Variants in PHACTR1 observed in about 807,000 individuals in gnomAD.
PHACTR1 encodes the protein RPEL repeat containing 1.
A neutral mutation model predicts 69.2 loss-of-function variants in PHACTR1; 16 were observed. That is an observed-to-expected ratio of 0.23 (90% confidence interval 0.16 to 0.35). The LOEUF (loss-of-function observed/expected upper bound fraction) is 0.35, where lower values mean the gene tolerates loss of function less well. PHACTR1 is among the 10% of genes least tolerant of loss of function. The probability of loss-of-function intolerance (pLI) is 1.00; values close to 1 mark genes in which losing one functional copy is unlikely to be tolerated. For synonymous variants in PHACTR1, 312 were observed against 284.5 expected (o/e 1.10, Z -0.97); for missense variants, 510 against 734.7 (o/e 0.69, Z 3.54).
At chr6:13,053,605 G>A (rs1806322423) in intron 5 of PHACTR1, 76 bp downstream of exon 5, 1 of 1,490,634 alleles carries the variant, frequency 6.7e-7, no homozygotes, top group African/African-American at 1.4e-5. Context: ...GAATTTAATT[G>A]CAATAGGCTG....
intron 4 of PHACTR1, among the ~76,000 whole-genome samples, chr6:12,976,613 G>A (rs530743296): frequency 6.6e-6 from 1 of 152,278 alleles, no homozygotes; most frequent in Non-Finnish European, 1.5e-5. Flanking sequence ...TATTAAATGG[G>A]AAATTCCAGA....
At chr6:12,960,129 T>C (rs1328641201) in intron 4 of PHACTR1, among the ~76,000 whole-genome samples, 1 of 152,220 alleles carries the variant, frequency 6.6e-6, no homozygotes, top group Non-Finnish European at 1.5e-5. Context: ...TTGAGAAAGT[T>C]TGTTGATCTT....
chr6:13,215,614 A>T (rs1194230040), intron 8 of PHACTR1, among the ~76,000 whole-genome samples: 1 of 152,254 alleles, frequency 6.6e-6, no homozygotes, highest in Non-Finnish European at 1.5e-5. Flanking sequence ...AAGAGCCAAC[A>T]GAGAGGACAC....
intron 5 of PHACTR1, among the ~76,000 whole-genome samples, chr6:13,064,952 G>C (rs1808401467): frequency 6.6e-6 from 1 of 151,956 alleles, no homozygotes; most frequent in African/African-American, 2.4e-5. Flanking sequence ...TCCGGGACTT[G>C]GTGACCATTG....
chr6:12,779,133 C>T (rs1194801115), intron 4 of PHACTR1, among the ~76,000 whole-genome samples: 2 of 152,108 alleles, frequency 1.3e-5, no homozygotes, highest in East Asian at 1.9e-4. Context: ...GTCAGGAGTT[C>T]GAGACCAGCC....
At chr6:13,185,242 G>A (rs1762690554) in intron 7 of PHACTR1, among the ~76,000 whole-genome samples, 1 of 152,172 alleles carries the variant, frequency 6.6e-6, no homozygotes, top group African/African-American at 2.4e-5. Context: ...TTTCAGTCAT[G>A]TGTATCTGTA....
chr6:12,724,108 G>T (rs532019546), intron 3 of PHACTR1, among the ~76,000 whole-genome samples: 3 of 151,980 alleles, frequency 2.0e-5, no homozygotes. Flanking sequence ...CAGGCAGATC[G>T]CCTGAGGTCA....
chr6:12,765,598 G>A (rs1272373596), intron 4 of PHACTR1, among the ~76,000 whole-genome samples: 1 of 152,056 alleles, frequency 6.6e-6, no homozygotes, highest in Non-Finnish European at 1.5e-5. Flanking sequence ...TCTGTATGCA[G>A]AAGCTCTAGA....
intron 5 of PHACTR1, among the ~76,000 whole-genome samples, chr6:13,108,673 T>C (rs1423755000): frequency 6.6e-6 from 1 of 152,082 alleles, no homozygotes; most frequent in Non-Finnish European, 1.5e-5. Flanking sequence ...GCATTCCAGC[T>C]TTCTCCTGTT....
At chr6:12,749,483 CT>C (rs577940408) in intron 3 of PHACTR1, 160 bp from the exon 4 acceptor site, 20 of 664,692 alleles carry the variant, frequency 3.0e-5, no homozygotes, top group Non-Finnish European at 2.0e-5. Context: ...TTCTCTCTCC[CT>C]TTTTTTTCCT....
intron 4 of PHACTR1, among the ~76,000 whole-genome samples, chr6:12,801,554 G>A (rs1334800332): frequency 6.6e-6 from 1 of 152,182 alleles, no homozygotes; most frequent in East Asian, 1.9e-4. Context: ...CTATGACGGG[G>A]TATGGATGGC....
chr6:12,966,798 C>T (rs958980021), intron 4 of PHACTR1, among the ~76,000 whole-genome samples: 1 of 152,036 alleles, frequency 6.6e-6, no homozygotes, highest in Non-Finnish European at 1.5e-5. Context: ...TTCAGTGTTT[C>T]CTAGAATATA....
At chr6:12,900,340 A>T (rs1785070509) in intron 4 of PHACTR1, among the ~76,000 whole-genome samples, 1 of 150,778 alleles carries the variant, frequency 6.6e-6, no homozygotes, top group Non-Finnish European at 1.5e-5. Flanking sequence ...CTTTCATCTT[A>T]CTTTAACTCC....
chr6:12,735,660 T>G (rs955162886), intron 3 of PHACTR1, among the ~76,000 whole-genome samples: 7 of 152,238 alleles, frequency 4.6e-5, no homozygotes, highest in Non-Finnish European at 8.8e-5. Flanking sequence ...TTCATGTATA[T>G]ACAGGCAATA....
At chr6:13,159,651 G>A (rs923951185) in intron 5 of PHACTR1, among the ~76,000 whole-genome samples, 5 of 152,198 alleles carry the variant, frequency 3.3e-5, no homozygotes, top group African/African-American at 4.8e-5. Context: ...AAATAAGAAC[G>A]CCTACCTTGG....
chr6:13,131,840 C>A (rs1165746054), intron 5 of PHACTR1, among the ~76,000 whole-genome samples: 1 of 152,150 alleles, frequency 6.6e-6, no homozygotes, highest in Non-Finnish European at 1.5e-5. Context: ...ACAAACATAA[C>A]CTCCCTTAAT....
intron 7 of PHACTR1, among the ~76,000 whole-genome samples, chr6:13,198,001 G>A (rs564426091): frequency 1.3e-5 from 2 of 152,328 alleles, no homozygotes; most frequent in East Asian, 3.9e-4. Context: ...CCCAGGCCAT[G>A]TGGCTCCTGC....
At chr6:13,248,664 T>A (rs992804919) in intron 10 of PHACTR1, among the ~76,000 whole-genome samples, 1 of 152,118 alleles carries the variant, frequency 6.6e-6, no homozygotes, top group African/African-American at 2.4e-5. Flanking sequence ...TAAATCATCA[T>A]TGTAAGGCCA....
chr6:13,053,151 A>G (rs560855317), intron 4 of PHACTR1, among the ~76,000 whole-genome samples: 1 of 152,066 alleles, frequency 6.6e-6, no homozygotes, highest in East Asian at 1.9e-4. Flanking sequence ...AGTTGAGCAA[A>G]TTTGGTTGGG....
Sources: gnomAD v4.1 joint callset for allele counts (sites outside exome capture counted in the v4.1 genomes callset) on GRCh38, gnomAD v4.1.1 for gene constraint, MANE v1.5 for transcripts, NCBI Gene and HGNC (gene_info 2026-07-23, HGNC 2026-07-21) for gene names.